NKTR: variants seen among roughly 807,000 people sequenced by gnomAD.
NKTR encodes NK-tumor recognition protein.
In NKTR, 67 loss-of-function variants were observed where a neutral mutation model predicts 156.3. The observed-to-expected ratio is 0.43, with a 90% confidence interval of 0.35 to 0.53. NKTR has a LOEUF of 0.53. Among genes scored for constraint, NKTR ranks in the 20% least tolerant of loss-of-function variants. The pLI, the probability that NKTR is intolerant of heterozygous loss-of-function variation, is 0.01. For missense variants in NKTR, 1,604 were observed against 1,730.9 expected (o/e 0.93, Z 1.30); for synonymous variants, 640 against 596.6 (o/e 1.07, Z -1.06).
At chr3:42,621,001 C>T (rs73829255) in intron 5 of NKTR, 110,133 of 947,968 alleles carry the variant, frequency 0.12, 7,088 homozygotes, top group African/African-American at 0.23. Context: ...ATAAATTTAC[C>T]GTATAAAAAT....
intron 2 of NKTR, among the ~76,000 whole-genome samples, chr3:42,604,528 C>T (rs1705998730): frequency 6.6e-6 from 1 of 151,814 alleles, no homozygotes; most frequent in Admixed American, 6.6e-5. Flanking sequence ...ATGTCAAATC[C>T]AGTTGGCTAT....
At chr3:42,636,232 G>C (rs1369092008) in intron 12 of NKTR, among the ~76,000 whole-genome samples, 1 of 152,192 alleles carries the variant, frequency 6.6e-6, no homozygotes, top group African/African-American at 2.4e-5. Context: ...ATTGTGAAAA[G>C]GAGGAAAAGG....
At chr3:42,635,388 A>G in intron 12 of NKTR, 22 bp downstream of exon 12, 1 of 1,581,376 alleles carries the variant, frequency 6.3e-7, no homozygotes, top group East Asian at 2.3e-5. Context: ...GAGTATAAGC[A>G]CAATCCTGTG....
intron 7 of NKTR, chr3:42,630,894 A>G: frequency 7.3e-7 from 1 of 1,368,480 alleles, no homozygotes; most frequent in South Asian, 1.9e-5. Flanking sequence ...GAAGGTTCCC[A>G]AGTACCAAGC....
chr3:42,632,097 T>C (rs1708969683), intron 8 of NKTR, among the ~76,000 whole-genome samples: 2 of 140,532 alleles, frequency 1.4e-5, no homozygotes, highest in Admixed American at 1.5e-4. Flanking sequence ...GAGACAAGAG[T>C]CTTGCTCTGT....
intron 13 of NKTR, among the ~76,000 whole-genome samples, chr3:42,640,885 A>G (rs1001675018): frequency 6.6e-6 from 1 of 152,084 alleles, no homozygotes; most frequent in African/African-American, 2.4e-5. Flanking sequence ...TGATAGATGC[A>G]GTTGCCTATT....
chr3:42,612,088 G>A (rs563249446), intron 2 of NKTR, among the ~76,000 whole-genome samples: 179 of 152,318 alleles, frequency 1.2e-3, no homozygotes, highest in Non-Finnish European at 1.1e-3. Flanking sequence ...GGAACAGAGC[G>A]AGACTCTGTC....
intron 2 of NKTR, among the ~76,000 whole-genome samples, chr3:42,616,427 G>A (rs569163013): frequency 6.6e-6 from 1 of 152,042 alleles, no homozygotes; most frequent in Non-Finnish European, 1.5e-5. Flanking sequence ...TCATTCTCTT[G>A]TGAATATACA....
chr3:42,620,727 A>G (rs753916589), intron 5 of NKTR: 1 of 983,574 alleles, frequency 1.0e-6, no homozygotes, highest in South Asian at 4.7e-5. Context: ...CCTTTGAACT[A>G]GTAGGAAACA....
chr3:42,608,312 G>T (rs1468645390), intron 2 of NKTR, among the ~76,000 whole-genome samples: 1 of 152,024 alleles, frequency 6.6e-6, no homozygotes, highest in Non-Finnish European at 1.5e-5. Flanking sequence ...GTAAATTAGG[G>T]ATTCCTACAA....
intron 2 of NKTR, 130 bp downstream of exon 2, chr3:42,601,194 T>C (rs1577392719): frequency 1.5e-6 from 1 of 678,558 alleles, no homozygotes; most frequent in East Asian, 3.4e-5. Context: ...TTCCGTTTTC[T>C]CTTGAGAGAA....
At chr3:42,628,626 A>G in intron 6 of NKTR, 2 of 985,280 alleles carry the variant, frequency 2.0e-6, no homozygotes, top group African/African-American at 1.7e-5. Flanking sequence ...GAAGGAATGT[A>G]TCTAATCAGG....
In NKTR at chr3:42,600,795, C is replaced by T. The variant is rs1577389138; in HGVS notation, c.-24+17C>T. 5.2e-6 allele frequency: 2 copies of T among 388,036 alleles called. No individual in the cohort carries two copies. The highest frequency in any genetic ancestry group is 9.3e-6 in the Non-Finnish European group (2 of 216,038). 24.0% of individuals were successfully genotyped at this position (388,036 alleles called of 1,614,324 possible). ...GCCAGCCAGGTGAAGAGCTCGCCCG[C>T]ATGCGTGCGCGCTGCGTGGGAGCCG... On this transcript the variant is annotated intron_variant, in intron 1 of 16. Coordinates refer to ENST00000232978, the MANE Select transcript of NKTR (RefSeq NM_005385.4).
At position 42,637,433 on chromosome 3, in the gene NKTR, A is replaced by C. The variant is rs1709526475; in HGVS notation, c.1729A>C (p.Asn577His). 6.2e-7 allele frequency: 1 copy of C among 1,613,216 alleles called. No individual in the cohort carries two copies. Among genetic ancestry groups the C allele is most frequent in the Admixed American group, 1.7e-5 (1 of 59,808 alleles). ...PRKTASQLSENKPVKTEPLRA... is the reference protein window; with the variant it reads ...PRKTASQLSEHKPVKTEPLRA... Reference sequence around the variant, plus strand: ...AAAAACAGCTTCTCAGTTAAGTGAAAATAAACCAGTTAAAACAGAACCTTT... The same window carrying C: ...AAAAACAGCTTCTCAGTTAAGTGAACATAAACCAGTTAAAACAGAACCTTT... Residue 577 changes from asparagine (N) to histidine (H), a missense_variant, in exon 13 of 17, where the codon AAT (asparagine) becomes CAT (histidine). Physicochemically the swap from Asn to His is moderately conservative, Grantham distance 68. Coordinates refer to ENST00000232978, the MANE Select transcript of NKTR (RefSeq NM_005385.4).
At chr3:42,625,756 G>A (rs796284973) in intron 6 of NKTR, among the ~76,000 whole-genome samples, 40 of 152,136 alleles carry the variant, frequency 2.6e-4, no homozygotes, top group African/African-American at 9.2e-4. Context: ...TTTTTCATGA[G>A]CAAAGATGTT....
intron 12 of NKTR, among the ~76,000 whole-genome samples, chr3:42,636,052 T>C (rs925447281): frequency 2.0e-5 from 3 of 152,256 alleles, no homozygotes; most frequent in African/African-American, 7.2e-5. Context: ...CTTGCTTTTT[T>C]AGAAGTGTAC....
At chr3:42,636,577 C>T (rs1332994943) in intron 12 of NKTR, among the ~76,000 whole-genome samples, 1 of 152,166 alleles carries the variant, frequency 6.6e-6, no homozygotes, top group Admixed American at 6.5e-5. Flanking sequence ...GATTTGAGTT[C>T]AGCAGTGTTC....
intron 16 of NKTR, among the ~76,000 whole-genome samples, chr3:42,644,491 TTTATG>T (rs1710191486): frequency 6.6e-6 from 1 of 152,246 alleles, no homozygotes. Flanking sequence ...TGCAAAAGTC[TTTATG>T]TTAACTTTTG....
intron 2 of NKTR, chr3:42,612,507 G>A (rs931486937): frequency 3.3e-5 from 5 of 152,004 alleles, no homozygotes; most frequent in Non-Finnish European, 7.4e-5. Context: ...CTAACATCCG[G>A]CCTCATTTCC....
Sources: gnomAD v4.1 joint callset for allele counts (sites outside exome capture counted in the v4.1 genomes callset) on GRCh38, gnomAD v4.1.1 for gene constraint, MANE v1.5 for transcripts, NCBI Gene and HGNC (gene_info 2026-07-23, HGNC 2026-07-21) for gene names.